Variants in PFKFB2 observed in about 807,000 individuals in gnomAD.
The protein encoded by PFKFB2 is 6-phosphofructo-2-kinase/fructose-2,6-bisphosphatase 2.
A neutral mutation model predicts 68.0 loss-of-function variants in PFKFB2; 53 were observed. That is an observed-to-expected ratio of 0.78 (90% CI 0.63 to 0.98). PFKFB2 has a LOEUF of 0.98. Among genes scored for constraint, PFKFB2 ranks in the 50% least tolerant of loss-of-function variants. The pLI, the probability that PFKFB2 is intolerant of heterozygous loss-of-function variation, is 0.00. For missense variants in PFKFB2, 451 were observed against 642.0 expected, an observed-to-expected ratio of 0.70 and a Z score of 3.22; for synonymous variants, 222 against 227.6, an observed-to-expected ratio of 0.98 and a Z score of 0.22.
intron 9 of PFKFB2, 40 bp from the exon 10 acceptor site, chr1:207,068,123 T>C: frequency 1.9e-6 from 3 of 1,564,264 alleles, no homozygotes; most frequent in Non-Finnish European, 2.6e-6. Context: ...TGTGTCTGTG[T>C]GTTTTCTTTT....
At chr1:207,078,947 C>T (rs1184572728), downstream of PFKFB2, 37 of 1,610,704 alleles carry the variant, frequency 2.3e-5, no homozygotes, top group Admixed American at 4.3e-4. Flanking sequence ...TCCTCTCTGG[C>T]TCGTAGGCAG....
In PFKFB2 at chr1:207,075,924, T is replaced by C. The variant is rs1683609741; in HGVS notation, c.*3553T>C. ...GTAATTTAGCTCTTATCTGTATTGT[T>C]GTTTTGTTTTGGTAAAGGGATGATT... On this transcript the variant is annotated 3_prime_UTR_variant, in exon 15 of 15. Coordinates refer to ENST00000367080, the MANE Select transcript of PFKFB2 (RefSeq NM_006212.2). The C allele has an allele frequency of 1.0e-6, 1 of 985,160 alleles. No homozygotes were observed. Among genetic ancestry groups the C allele is most frequent in the Non-Finnish European group, 1.2e-6 (1 of 829,776 alleles). 61.0% of individuals were successfully genotyped at this position (985,160 alleles called of 1,614,324 possible). A position where few individuals can be genotyped will look rare whatever the true frequency, so the allele number is the denominator to read the frequency against.
chr1:207,054,782 G>T lies in PFKFB2; in HGVS notation c.65G>T (p.Arg22Leu). The change falls in exon 2 of 15, where the codon CGA (arginine) becomes CTA (leucine). Residue 22 changes from arginine (R) to leucine (L), a missense_variant. By Grantham distance (102) the Arg-to-Leu change is moderately radical. Transcript: ENST00000367080. ...TATGAAACCAAAACCCCAAATCTTCGAATGTCAGAGAAGAAATGTTGTGAG... is the reference window on the plus strand; with the variant it reads ...TATGAAACCAAAACCCCAAATCTTCTAATGTCAGAGAAGAAATGTTGTGAG... The part of the protein sequence containing the change: ...NSYETKTPNL[R>L]MSEKKCSWAS... The T allele has an allele frequency of 6.2e-7, 1 of 1,612,980 alleles. No individual in the cohort carries two copies. The highest frequency in any genetic ancestry group is 8.5e-7 in the Non-Finnish European group (1 of 1,179,298).
chr1:207,050,925 C>G (rs545732408), upstream of PFKFB2: 1 of 1,590,986 alleles, frequency 6.3e-7, no homozygotes, highest in East Asian at 2.3e-5. Context: ...ACAGGCCAGG[C>G]ACCCGCGGGG....
At chr1:207,069,719 G>A (rs1239980288) in intron 11 of PFKFB2, among the ~76,000 whole-genome samples, 191 bp downstream of exon 11, 1 of 152,098 alleles carries the variant, frequency 6.6e-6, no homozygotes, top group Non-Finnish European at 1.5e-5. Context: ...CAGGGATAAG[G>A]GTGACAAGGC....
chr1:207,037,922 A>T (rs1472082127), intron 1 of PFKFB2, among the ~76,000 whole-genome samples: 1 of 152,244 alleles, frequency 6.6e-6, no homozygotes, highest in East Asian at 1.9e-4. Flanking sequence ...GAGATAATAC[A>T]TGAAGAGTGC....
rs1683636488 is a variant in PFKFB2, at chr1:207,076,740, T to C, written c.*4369T>C. On this transcript the variant is annotated 3_prime_UTR_variant, in exon 15 of 15. Coordinates refer to ENST00000367080, the MANE Select transcript of PFKFB2 (RefSeq NM_006212.2). ...GGATCTGTGTGCTGATTGACTCTAG[T>C]AGGATCTGTTTGTCACTGACAGACT... 1 of 972,118 alleles carries C rather than the reference T, an allele frequency of 1.0e-6. No homozygotes were observed. The highest frequency in any genetic ancestry group is 1.9e-5 in the African/African-American group (1 of 52,704). The allele number at this position is 972,118 out of a possible 1,614,324, so 60.2% of individuals were successfully genotyped here.
Position 207,075,507 on chromosome 1 carries a change from T to G in PFKFB2, c.*3136T>G, listed in dbSNP as rs77948961. 2,902 of 985,324 alleles carry G rather than the reference T, an allele frequency of 2.9e-3. 55 individuals are homozygous for G. The African/African-American group carries it at 0.045, about 15-fold the overall frequency. The allele number at this position is 985,324 out of a possible 1,614,324, so 61.0% of individuals were successfully genotyped here. On this transcript the variant is annotated 3_prime_UTR_variant, in exon 15 of 15. Coordinates refer to ENST00000367080, the MANE Select transcript of PFKFB2 (RefSeq NM_006212.2). The stretch of plus-strand genomic sequence containing the variant: ...CTTACTTGAATGCATGTTGGTAATC[T>G]GTATACATTACTATGACTGTGTCTA...
At chr1:207,049,752 G>A, upstream of PFKFB2, 1 of 1,573,560 alleles carries the variant, frequency 6.4e-7, no homozygotes. Context: ...ATCCCGATCT[G>A]CAAAGAAATT....
chr1:207,061,109 C>CTTCA (rs61063813), intron 2 of PFKFB2, among the ~76,000 whole-genome samples: 1 of 79,548 alleles, frequency 1.3e-5, no homozygotes, highest in African/African-American at 4.8e-5. Context: ...TTATATATAT[C>CTTCA]TATATATCTT....
chr1:207,052,681 C>CA (rs370278480), upstream of PFKFB2, among the ~76,000 whole-genome samples: 102 of 151,762 alleles, frequency 6.7e-4, no homozygotes, highest in African/African-American at 2.2e-3. Flanking sequence ...CAAACCAAAA[C>CA]AAAAAAAACT....
chr1:207,049,057 G>T, upstream of PFKFB2: 1 of 1,613,834 alleles, frequency 6.2e-7, no homozygotes, highest in Non-Finnish European at 8.5e-7. Flanking sequence ...TGTCTCCTTG[G>T]CATGTTCCCT....
In PFKFB2 at chr1:207,072,214, C is replaced by T. The variant is rs1683484756; in HGVS notation, c.1361C>T (p.Pro454Leu). The T allele has an allele frequency of 6.2e-7, 1 of 1,613,520 alleles. No individual in the cohort carries two copies. The highest frequency in any genetic ancestry group is 1.7e-4 in the Middle Eastern group (1 of 6,060). Residue 454 changes from proline (P) to leucine (L), a missense_variant, in exon 15 of 15, where the codon CCC (proline) becomes CTC (leucine). By Grantham distance (98) the Pro-to-Leu change is moderately conservative. Coordinates refer to ENST00000367080, the MANE Select transcript of PFKFB2 (RefSeq NM_006212.2). ...TCCATTTCCAATCAGAACAACTTCC[C>T]CAAGAACCAAACCCCTGTAAGGATG... ...THRDKPTNNF[P>L]KNQTPVRMRR...
intron 2 of PFKFB2, chr1:207,044,890 C>A (rs181492527): frequency 1.3e-5 from 2 of 152,412 alleles, no homozygotes; most frequent in Admixed American, 6.6e-5. Context: ...TAAATCAGCA[C>A]CCTACAATTC....
chr1:207,034,546 C>G (rs969273969), intron 1 of PFKFB2: 4 of 152,180 alleles, frequency 2.6e-5, no homozygotes, highest in Non-Finnish European at 4.4e-5. Context: ...TAGTAGGCAA[C>G]AGTCTTATTT....
At position 207,070,317 on chromosome 1, in the gene PFKFB2, T is replaced by C; in HGVS notation, c.1130T>C (p.Ile377Thr). 3 of 1,613,754 alleles carry C rather than the reference T, an allele frequency of 1.9e-6. No individual in the cohort carries two copies. Among genetic ancestry groups the C allele is most frequent in the Non-Finnish European group, 2.5e-6 (3 of 1,179,992 alleles). The change falls in exon 12 of 15, where the codon ATC (isoleucine) becomes ACC (threonine). Residue 377 changes from isoleucine (I) to threonine (T), a missense_variant. By Grantham distance (89) the Ile-to-Thr change is moderately conservative. Transcript: ENST00000367080. The surrounding 1 kb of genome is among the most constrained non-coding windows in gnomAD (Gnocchi z 4.2). The stretch of plus-strand genomic sequence containing the variant: ...CTGGTGCAGCGGCTGGAGCCTGTCA[T>C]CATGGAGCTGGAACGTCAGGGCAAT... ...QDLVQRLEPV[I>T]MELERQGNVL...
chr1:207,049,019 G>A, upstream of PFKFB2: 1 of 1,612,236 alleles, frequency 6.2e-7, no homozygotes, highest in South Asian at 1.1e-5. Context: ...TCATGCATAG[G>A]TCACACTTCT....
Position 207,075,692 on chromosome 1 carries a change from G to A in PFKFB2, c.*3321G>A, listed in dbSNP as rs1252312253. The A allele has an allele frequency of 1.0e-6, 1 of 971,082 alleles. No individual in the cohort carries two copies. Among genetic ancestry groups the A allele is most frequent in the Non-Finnish European group, 1.2e-6 (1 of 816,926 alleles). The allele number at this position is 971,082 out of a possible 1,614,324, so 60.2% of individuals were successfully genotyped here. A position where few individuals can be genotyped will look rare whatever the true frequency, so the allele number is the denominator to read the frequency against. The stretch of plus-strand genomic sequence containing the variant: ...TAGTCCCAGATACTTGGGAGGCTGA[G>A]GCAGGAGAATCACTTGAGACCAGCC... On this transcript the variant is annotated 3_prime_UTR_variant, in exon 15 of 15. Coordinates refer to ENST00000367080, the MANE Select transcript of PFKFB2 (RefSeq NM_006212.2).
intron 2 of PFKFB2, among the ~76,000 whole-genome samples, chr1:207,061,631 C>G (rs2842752): frequency 2.0e-5 from 3 of 152,090 alleles, no homozygotes; most frequent in Admixed American, 6.5e-5. Flanking sequence ...CGCCTGTAAT[C>G]CCAGCACTTT....
Sources: allele counts gnomAD v4.1 joint callset (sites outside exome capture counted in the v4.1 genomes callset), GRCh38; gene constraint gnomAD v4.1.1; non-coding constraint Gnocchi (gnomAD v3.1); transcripts MANE v1.5; gene names NCBI Gene and HGNC (gene_info 2026-07-23, HGNC 2026-07-21).